Variants in MRM1 observed in about 807,000 individuals in gnomAD.
The protein encoded by MRM1 is rRNA methyltransferase 1, mitochondrial.
MRM1 carries 24 observed loss-of-function variants against 25.0 expected under a neutral mutation model. The ratio of observed to expected loss-of-function variants is 0.96; its 90% CI spans 0.69 to 1.35. MRM1 has a LOEUF of 1.35. MRM1 is among the 40% of genes most tolerant of loss of function. MRM1 has a pLI of 0.00. For missense variants in MRM1, 431 were observed against 464.1 expected (o/e 0.93, Z 0.65); for synonymous variants, 188 against 199.2 (o/e 0.94, Z 0.47).
chr17:36,620,163 G>A, the MRM1 span, among the ~76,000 whole-genome samples: 10 of 152,046 alleles, frequency 6.6e-5, no homozygotes, highest in African/African-American at 1.9e-4. Context: ...TTCACTCTGC[G>A]GGTTGTATTC....
intron 2 of MRM1, among the ~76,000 whole-genome samples, chr17:36,603,898 G>A (rs543282321): frequency 6.6e-6 from 1 of 152,258 alleles, no homozygotes; most frequent in Admixed American, 6.5e-5. Flanking sequence ...AAGCCTGATA[G>A]GAGATGAGGT....
the MRM1 span, among the ~76,000 whole-genome samples, chr17:36,629,797 A>G: frequency 5.3e-5 from 8 of 152,068 alleles, no homozygotes; most frequent in Non-Finnish European, 1.0e-4. Context: ...GGGCCTGGGG[A>G]AGGTTGTCCT....
Position 36,601,608 on chromosome 17 carries a change from G to A in MRM1, c.-203G>A, listed in dbSNP as rs2074866355. On this transcript the variant is annotated 5_prime_UTR_variant, in exon 1 of 5. Coordinates refer to ENST00000614766, the MANE Select transcript of MRM1 (RefSeq NM_024864.5). ...GAACCCGGAAGCGAGGGACCCACGTGGGAGCCTGGGAGCGGGTGGTCGTAG... is the reference window on the plus strand; with the variant it reads ...GAACCCGGAAGCGAGGGACCCACGTAGGAGCCTGGGAGCGGGTGGTCGTAG... The A allele has an allele frequency of 4.0e-6, 2 of 496,612 alleles. No individual in the cohort carries two copies. The highest frequency in any genetic ancestry group is 6.8e-6 in the Non-Finnish European group (2 of 293,502). 30.8% of individuals were successfully genotyped at this position (496,612 alleles called of 1,614,324 possible). A position where few individuals can be genotyped will look rare whatever the true frequency, so the allele number is the denominator to read the frequency against.
the MRM1 span, among the ~76,000 whole-genome samples, chr17:36,630,429 T>C: frequency 6.6e-6 from 1 of 152,184 alleles, no homozygotes; most frequent in Non-Finnish European, 1.5e-5. Context: ...GTCTCGTCCG[T>C]TGTCTGGGGC....
Position 36,608,347 on chromosome 17 carries a change from G to T in MRM1, c.994G>T (p.Gly332Trp). 6.2e-7 allele frequency: 1 copy of T among 1,611,536 alleles called. No individual in the cohort carries two copies. The change falls in exon 5 of 5, where the codon GGG becomes TGG. Residue 332 changes from glycine to tryptophan, a missense_variant. Gly to Trp is a radical substitution (Grantham distance 184). Transcript: ENST00000614766. Reference protein sequence around the residue: ...DPQEPSARSEGLSMAQHPGLS... With the variant: ...DPQEPSARSEWLSMAQHPGLS... ...CCAAGAACCCTCAGCCAGGTCTGAAGGGCTCAGCATGGCTCAGCACCCAGG... is the reference window on the plus strand; with the variant it reads ...CCAAGAACCCTCAGCCAGGTCTGAATGGCTCAGCATGGCTCAGCACCCAGG...
At chr17:36,616,004 A>G in the MRM1 span, among the ~76,000 whole-genome samples, 2 of 151,966 alleles carry the variant, frequency 1.3e-5, no homozygotes, top group Non-Finnish European at 2.9e-5. Context: ...CAACAACAAC[A>G]ACAACAACAA....
the MRM1 span, among the ~76,000 whole-genome samples, chr17:36,630,231 C>T: frequency 2.0e-5 from 3 of 152,154 alleles, no homozygotes; most frequent in African/African-American, 7.2e-5. Flanking sequence ...AGTAAACACT[C>T]AGTGCTGTTG....
the MRM1 span, among the ~76,000 whole-genome samples, chr17:36,631,023 C>A: frequency 1.3e-5 from 2 of 152,222 alleles, no homozygotes; most frequent in Non-Finnish European, 2.9e-5. Context: ...GTTTCATCAT[C>A]TGTAAGATGG....
the MRM1 span, among the ~76,000 whole-genome samples, chr17:36,632,529 G>T: frequency 1.3e-5 from 2 of 152,120 alleles, no homozygotes; most frequent in Admixed American, 6.5e-5. Context: ...GATAATCTGT[G>T]TCAGGTGCCT....
downstream of MRM1, among the ~76,000 whole-genome samples, chr17:36,612,017 A>G (rs753662207): frequency 6.6e-6 from 1 of 152,214 alleles, no homozygotes; most frequent in African/African-American, 2.4e-5. Flanking sequence ...TAGGCGTCCC[A>G]GTGCTCCCTG....
chr17:36,603,261 T>TA, intron 2 of MRM1: 1 of 977,104 alleles, frequency 1.0e-6, no homozygotes, highest in Non-Finnish European at 1.2e-6. Context: ...CGCTGTCCAA[T>TA]AAAAATATGG....
Position 36,601,843 on chromosome 17 carries a change from C to G in MRM1, c.33C>G (p.Thr11=), listed in dbSNP as rs745848605. The G allele has an allele frequency of 6.3e-7, 1 of 1,588,648 alleles. No individual in the cohort carries two copies. The highest frequency in any genetic ancestry group is 8.6e-7 in the Non-Finnish European group (1 of 1,169,310). Residue 11 remains threonine, a synonymous_variant, in exon 1 of 5, where the codon ACC becomes ACG. Transcript: ENST00000614766. Reference sequence around the variant, plus strand: ...TGCTCTCGACCGTCCGGGGCGCGACCTGGGGTCGCCTCGTCACCCGTCATT... The same window carrying G: ...TGCTCTCGACCGTCCGGGGCGCGACGTGGGGTCGCCTCGTCACCCGTCATT... MALLSTVRGA[T]WGRLVTRHFS...
In MRM1 at chr17:36,607,741, C is replaced by T. The variant is rs186312052; in HGVS notation, c.708C>T (p.Ser236=). The T allele has an allele frequency of 1.4e-5, 23 of 1,614,194 alleles. No individual in the cohort carries two copies. In the Admixed American group the frequency reaches 2.0e-4, roughly 14 times the overall value. ...GCPSTEDPQS[S]EIPIMSCLEF... ...CAAGCACAGAGGATCCCCAGTCCTC[C>T]GAGATCCCCATCATGAGTTGCTTGG... is the stretch of plus-strand genomic sequence containing the variant. Residue 236 remains serine (S), a synonymous_variant, in exon 3 of 5, where the codon TCC becomes TCT. Coordinates refer to ENST00000614766, the MANE Select transcript of MRM1 (RefSeq NM_024864.5).
chr17:36,626,191 G>A, the MRM1 span, among the ~76,000 whole-genome samples: 1 of 152,152 alleles, frequency 6.6e-6, no homozygotes, highest in African/African-American at 2.4e-5. Flanking sequence ...CATCCTCACC[G>A]CTGGACTTCA....
chr17:36,613,362 C>G (rs771314841), downstream of MRM1, among the ~76,000 whole-genome samples: 25 of 152,190 alleles, frequency 1.6e-4, no homozygotes, highest in Admixed American at 4.6e-4. Context: ...TTTCTCACTT[C>G]CACAGGTGCA....
At chr17:36,626,432 G>A in the MRM1 span, among the ~76,000 whole-genome samples, 6 of 152,028 alleles carry the variant, frequency 3.9e-5, no homozygotes, top group Admixed American at 6.6e-5. Context: ...GCGTGATCTC[G>A]GCTCACTGCA....
downstream of MRM1, among the ~76,000 whole-genome samples, chr17:36,611,947 C>T (rs1014759292): frequency 1.6e-5 from 2 of 122,768 alleles, no homozygotes; most frequent in Non-Finnish European, 3.3e-5. Flanking sequence ...ATCTCTTGAA[C>T]ACACGCACAG....
the MRM1 span, among the ~76,000 whole-genome samples, chr17:36,618,206 A>G: frequency 6.6e-6 from 1 of 152,076 alleles, no homozygotes; most frequent in Non-Finnish European, 1.5e-5. Context: ...AGACACCACA[A>G]TGATGAAATT....
rs192285393 is a variant in MRM1, at chr17:36,606,976, G to A, written c.637-694G>A. On this transcript the variant is annotated intron_variant, in intron 2 of 4. Transcript: ENST00000614766. ...GCTGCCCAGGCTGGAGTACAATGGC[G>A]CAATCTCGGTTGACTGCAGCCTCTG... Among the ~76,000 whole-genome samples the A allele has an allele frequency of 2.1e-3, 316 of 148,944 alleles. 1 individual carries two copies. Among genetic ancestry groups the A allele is most frequent in the African/African-American group, 7.3e-3 (293 of 40,332 alleles).
Sources: gnomAD v4.1 joint callset for allele counts (sites outside exome capture counted in the v4.1 genomes callset) on GRCh38, gnomAD v4.1.1 for gene constraint, MANE v1.5 for transcripts, NCBI Gene and HGNC (gene_info 2026-07-23, HGNC 2026-07-21) for gene names.